The following PCDHA6 variants were observed in gnomAD, a reference collection of about 807,000 sequenced individuals.
PCDHA6 encodes the protein protocadherin alpha 6, also known as protocadherin alpha-6.
PCDHA6 carries 55 observed loss-of-function variants against 60.3 expected under a neutral mutation model. The observed-to-expected ratio is 0.91, with a 90% CI of 0.73 to 1.14. The LOEUF (loss-of-function observed/expected upper bound fraction) is 1.14, where lower values mean the gene tolerates loss of function less well. PCDHA6 is among the 50% of genes most tolerant of loss of function. The pLI, the probability that PCDHA6 is intolerant of heterozygous loss-of-function variation, is 0.00. For synonymous variants in PCDHA6, 652 were observed against 557.9 expected (o/e 1.17, Z -2.38); for missense variants, 1,327 against 1,256.5 (o/e 1.06, Z -0.85).
Position 140,842,210 on chromosome 5 carries a change from C to T in PCDHA6, c.2394+11725C>T, listed in dbSNP as rs2150331831. ...GGTTATTGACCACTTTAGCATAGAT[C>T]GAAATACGGGAGAAATAGTGATTCG... is the stretch of plus-strand genomic sequence containing the variant. On this transcript the variant is annotated intron_variant, in intron 1 of 3. Transcript: ENST00000529310. 73 of 1,613,414 alleles carry T rather than the reference C, an allele frequency of 4.5e-5. 2 individuals are homozygous for T. The South Asian group carries it at 7.8e-4, about 17-fold the overall frequency.
At chr5:140,967,979 G>C (rs1405177525) in intron 1 of PCDHA6, 3 of 1,614,100 alleles carry the variant, frequency 1.9e-6, no homozygotes, top group Non-Finnish European at 2.5e-6. Flanking sequence ...CCTGGGTCTG[G>C]AGGCCACACT....
intron 3 of PCDHA6, among the ~76,000 whole-genome samples, chr5:140,996,330 A>G (rs551945424): frequency 6.6e-6 from 1 of 152,208 alleles, no homozygotes; most frequent in Non-Finnish European, 1.5e-5. Flanking sequence ...TAGAGAAGAA[A>G]AGTTTGAAAA....
intron 1 of PCDHA6, chr5:140,842,584 T>C (rs1245274554): frequency 1.3e-6 from 2 of 1,519,626 alleles, no homozygotes. Context: ...TGTCGGCCTA[T>C]GAGTTGGTGG....
At chr5:140,840,691 C>G (rs2150308754) in intron 1 of PCDHA6, among the ~76,000 whole-genome samples, 2 of 151,924 alleles carry the variant, frequency 1.3e-5, no homozygotes, top group Non-Finnish European at 2.9e-5. Context: ...GTAAATAAAA[C>G]GGTTCAGGCA....
chr5:140,966,240 G>A (rs1372436745), intron 1 of PCDHA6: 3 of 306,008 alleles, frequency 9.8e-6, no homozygotes, highest in Non-Finnish European at 1.8e-5. Flanking sequence ...GACCCGTTAA[G>A]CAGGGGAGAG....
At chr5:140,967,246 G>A in intron 1 of PCDHA6, 1 of 1,613,594 alleles carries the variant, frequency 6.2e-7, no homozygotes, top group Non-Finnish European at 8.5e-7. Context: ...TAAGCGAATC[G>A]GTGGCGCCTG....
intron 3 of PCDHA6, among the ~76,000 whole-genome samples, chr5:140,985,892 A>G (rs2097176300): frequency 1.3e-5 from 2 of 151,830 alleles, no homozygotes; most frequent in Non-Finnish European, 2.9e-5. Flanking sequence ...GGCGCCCGCC[A>G]CCACTCCCGT....
Position 140,975,977 on chromosome 5 carries a change from TA to T in PCDHA6, c.2395-2971del, listed in dbSNP as rs781900191. ...GTTCTTCACCAATAGAAAGTAAGCATAGTCCTGGGAGGTACCATCTAAGTAT... is the reference window on the plus strand; with the variant it reads ...GTTCTTCACCAATAGAAAGTAAGCATGTCCTGGGAGGTACCATCTAAGTAT... On this transcript the variant is annotated intron_variant, in intron 1 of 3. Coordinates refer to ENST00000529310, the MANE Select transcript of PCDHA6 (RefSeq NM_018909.4). Among the ~76,000 whole-genome samples, 17 of 152,284 alleles carry T rather than the reference TA, an allele frequency of 1.1e-4. 1 individual carries two copies. The highest frequency in any genetic ancestry group is 1.8e-4 in the Non-Finnish European group (12 of 68,014).
At chr5:140,910,911 T>G (rs1326687303) in intron 1 of PCDHA6, among the ~76,000 whole-genome samples, 1 of 152,170 alleles carries the variant, frequency 6.6e-6, no homozygotes, top group African/African-American at 2.4e-5. Context: ...CCTCCAGATT[T>G]TTGCTTATAT....
At chr5:140,849,658 C>T in intron 1 of PCDHA6, 1 of 1,598,720 alleles carries the variant, frequency 6.3e-7, no homozygotes, top group African/African-American at 1.3e-5. Flanking sequence ...GTTACCTGCT[C>T]CCTGACGCCC....
At chr5:140,880,514 T>A (rs2058367516) in intron 1 of PCDHA6, among the ~76,000 whole-genome samples, 1 of 152,198 alleles carries the variant, frequency 6.6e-6, no homozygotes, top group African/African-American at 2.4e-5. Context: ...TTTGGTCACA[T>A]CTCTCAATGT....
intron 1 of PCDHA6, chr5:140,926,963 A>G (rs782460460): frequency 1.2e-6 from 2 of 1,605,984 alleles, no homozygotes; most frequent in South Asian, 2.2e-5. Context: ...CAGCTCGAGT[A>G]CTCAGTGCCG....
intron 1 of PCDHA6, chr5:140,869,538 T>C (rs536846543): frequency 1.2e-6 from 2 of 1,614,204 alleles, no homozygotes; most frequent in East Asian, 4.5e-5. Context: ...TTGCGGAATC[T>C]AAGCAATCGG....
chr5:140,992,352 G>C (rs1554252825), intron 3 of PCDHA6, among the ~76,000 whole-genome samples: 1 of 152,162 alleles, frequency 6.6e-6, no homozygotes, highest in African/African-American at 2.4e-5. Context: ...TGTGGAGAGA[G>C]GAGAAAAATG....
In PCDHA6 at chr5:140,944,181, G is replaced by A. The variant is rs112665762; in HGVS notation, c.2395-34768G>A. 4.3e-3 allele frequency among the ~76,000 whole-genome samples: 661 copies of A among 151,992 alleles called. 7 individuals are homozygous for A. Among genetic ancestry groups the A allele is most frequent in the African/African-American group, 0.015 (616 of 41,488 alleles). On this transcript the variant is annotated intron_variant, in intron 1 of 3. Coordinates refer to ENST00000529310, the MANE Select transcript of PCDHA6 (RefSeq NM_018909.4). ...AAAGGGCCAAGGCTGGTTTTTTGTTGGTTTGTTTTGTTTTGTTTTGTTTTT... is the reference window on the plus strand; with the variant it reads ...AAAGGGCCAAGGCTGGTTTTTTGTTAGTTTGTTTTGTTTTGTTTTGTTTTT...
chr5:140,841,843 T>A (rs1777535091), intron 1 of PCDHA6: 16 of 1,613,734 alleles, frequency 9.9e-6, no homozygotes, highest in Non-Finnish European at 1.4e-5. Context: ...GGCTTAGCTC[T>A]CATGATTACT....
At position 140,870,848 on chromosome 5, in the gene PCDHA6, G is replaced by C. The variant is rs368769297; in HGVS notation, c.2394+40363G>C. The C allele has an allele frequency of 2.2e-5, 35 of 1,613,876 alleles. No homozygotes were observed. In the African/African-American group the frequency reaches 3.3e-4, roughly 15 times the overall value. ...GGCGCAGTTAACAAGCTAGTACCGCGGTCGGTGGGTGCGGGCCACGTGGTG... is the reference window on the plus strand; with the variant it reads ...GGCGCAGTTAACAAGCTAGTACCGCCGTCGGTGGGTGCGGGCCACGTGGTG... On this transcript the variant is annotated intron_variant, in intron 1 of 3. Transcript: ENST00000529310.
intron 1 of PCDHA6, chr5:140,883,493 C>G: frequency 6.2e-7 from 1 of 1,614,174 alleles, no homozygotes; most frequent in Non-Finnish European, 8.5e-7. Flanking sequence ...CTCATTAGTG[C>G]TGGACAGCGC....
rs201643490 is a variant in PCDHA6 at position 140,856,993 on chromosome 5, T to A, written c.2394+26508T>A. 5.0e-6 allele frequency: 8 copies of A among 1,595,442 alleles called. No homozygotes were observed. In the East Asian group the frequency reaches 1.3e-4, roughly 27 times the overall value. On this transcript the variant is annotated intron_variant, in intron 1 of 3. Transcript: ENST00000529310. Reference sequence around the variant, plus strand: ...TTGACTTTGAGGACAGTAACACTTATGAAATTCATGTAGATGTTACAGATA... The same window carrying A: ...TTGACTTTGAGGACAGTAACACTTAAGAAATTCATGTAGATGTTACAGATA...
Sources: allele counts gnomAD v4.1 joint callset (sites outside exome capture counted in the v4.1 genomes callset), GRCh38; gene constraint gnomAD v4.1.1; transcripts MANE v1.5; gene names NCBI Gene and HGNC (gene_info 2026-07-23, HGNC 2026-07-21).